Variants in SPATA17 observed in about 807,000 individuals in gnomAD.
The protein encoded by SPATA17 is spermatogenesis-associated protein 17.
SPATA17 carries 53 observed loss-of-function variants against 62.2 expected under a neutral mutation model. The ratio of observed to expected loss-of-function variants is 0.85; its 90% CI spans 0.68 to 1.07. The LOEUF is 1.07. Ranked by LOEUF, SPATA17 falls within the 50% of genes least tolerant of loss-of-function variation. SPATA17 has a pLI of 0.00. For synonymous variants in SPATA17, 146 were observed against 146.8 expected, an observed-to-expected ratio of 0.99 and a Z score of 0.04; for missense variants, 466 against 425.5, an observed-to-expected ratio of 1.10 and a Z score of -0.84.
At chr1:217,859,349 A>G (rs1004284239) in intron 9 of SPATA17, among the ~76,000 whole-genome samples, 4 of 150,006 alleles carry the variant, frequency 2.7e-5, no homozygotes, top group Non-Finnish European at 4.4e-5. Flanking sequence ...TTTTCTATAT[A>G]TATAATTTCT....
chr1:217,821,599 T>G (rs1054474556), intron 9 of SPATA17, among the ~76,000 whole-genome samples: 2 of 151,952 alleles, frequency 1.3e-5, no homozygotes, highest in Admixed American at 1.3e-4. Flanking sequence ...AGATACCAAG[T>G]GTAGATAAAA....
At chr1:217,694,654 C>T (rs1471148634) in intron 5 of SPATA17, among the ~76,000 whole-genome samples, 15 of 150,124 alleles carry the variant, frequency 1.0e-4, no homozygotes, top group Admixed American at 6.7e-4. Flanking sequence ...CCATGTTTAG[C>T]GCTTCCTTCA....
At chr1:217,664,655 T>C (rs1333058452) in intron 3 of SPATA17, among the ~76,000 whole-genome samples, 1 of 152,044 alleles carries the variant, frequency 6.6e-6, no homozygotes, top group East Asian at 1.9e-4. Flanking sequence ...AGATAGAGGA[T>C]AGTGTGATTC....
chr1:217,648,792 G>C (rs980161395), intron 1 of SPATA17, 90 bp from the exon 2 acceptor site: 25 of 658,486 alleles, frequency 3.8e-5, no homozygotes, highest in Non-Finnish European at 6.3e-5. Context: ...TTATCATCTT[G>C]GAAGAAATTA....
chr1:217,760,387 A>C (rs968697341), intron 6 of SPATA17, among the ~76,000 whole-genome samples: 2 of 152,206 alleles, frequency 1.3e-5, no homozygotes, highest in African/African-American at 2.4e-5. Context: ...CACTTAGCTC[A>C]ATTAATAATC....
chr1:217,772,576 A>C (rs1415911710), intron 6 of SPATA17, among the ~76,000 whole-genome samples: 1 of 152,222 alleles, frequency 6.6e-6, no homozygotes, highest in Non-Finnish European at 1.5e-5. Flanking sequence ...CTTTGAAAGC[A>C]GTCAATACAA....
chr1:217,676,677 G>A lies in SPATA17; in HGVS notation c.292-6581G>A, dbSNP rs73093560. 1.2e-3 allele frequency among the ~76,000 whole-genome samples: 180 copies of A among 152,230 alleles called. 1 individual carries two copies. The highest frequency in any genetic ancestry group is 4.2e-3 in the African/African-American group (176 of 41,536). Reference sequence around the variant, plus strand: ...CTTTGAAAAGCCTCCTTTGTATCATGTCATACATCTTGAGTCTTCCTTTGC... The same window carrying A: ...CTTTGAAAAGCCTCCTTTGTATCATATCATACATCTTGAGTCTTCCTTTGC... On this transcript the variant is annotated intron_variant, in intron 4 of 10. Transcript: ENST00000366933.
chr1:217,869,433 C>T lies in SPATA17; in HGVS notation c.*2414C>T, dbSNP rs1676085371. 6.6e-6 allele frequency: 1 copy of T among 152,122 alleles called. No homozygotes were observed. Among genetic ancestry groups the T allele is most frequent in the African/African-American group, 2.4e-5 (1 of 41,434 alleles). The allele number at this position is 152,122 out of a possible 1,614,324, so 9.4% of individuals were successfully genotyped here. On this transcript the variant is annotated 3_prime_UTR_variant, in exon 11 of 11. Coordinates refer to ENST00000366933, the MANE Select transcript of SPATA17 (RefSeq NM_138796.4). Reference sequence around the variant, plus strand: ...TTTCTTATCTGACTTAAAAAGGTGTCAGACTCTTAGTAAATTATCTCCTGG... The same window carrying T: ...TTTCTTATCTGACTTAAAAAGGTGTTAGACTCTTAGTAAATTATCTCCTGG...
At chr1:217,678,205 C>CTTTTTTTTTTTT (rs974715757) in intron 4 of SPATA17, among the ~76,000 whole-genome samples, 5 of 107,552 alleles carry the variant, frequency 4.6e-5, no homozygotes, top group African/African-American at 7.1e-5. Context: ...CTTTTCTTTT[C>CTTTTTTTTTTTT]TTTTTTTTTT....
chr1:217,646,223 T>G (rs1017739084), intron 1 of SPATA17, among the ~76,000 whole-genome samples: 1 of 152,174 alleles, frequency 6.6e-6, no homozygotes, highest in African/African-American at 2.4e-5. Flanking sequence ...TTCTACTACA[T>G]GTGTATACAT....
intron 1 of SPATA17, among the ~76,000 whole-genome samples, chr1:217,644,705 T>C (rs1407550554): frequency 3.3e-5 from 5 of 152,078 alleles, no homozygotes; most frequent in Admixed American, 6.6e-5. Context: ...TATACTGTTA[T>C]CCAGGGTTAT....
chr1:217,696,226 G>T (rs957401315), intron 5 of SPATA17, among the ~76,000 whole-genome samples: 1 of 152,206 alleles, frequency 6.6e-6, no homozygotes, highest in East Asian at 1.9e-4. Context: ...TCTGAAAAGC[G>T]CAATATTCGG....
intron 5 of SPATA17, among the ~76,000 whole-genome samples, chr1:217,703,174 C>CTT (rs1203063860): frequency 2.8e-5 from 3 of 105,510 alleles, no homozygotes; most frequent in South Asian, 3.0e-4. Flanking sequence ...TGCGCTCGGC[C>CTT]TTTTTTTTTT....
At chr1:217,756,648 TCA>T (rs1673050770) in intron 6 of SPATA17, among the ~76,000 whole-genome samples, 1 of 152,290 alleles carries the variant, frequency 6.6e-6, no homozygotes, top group East Asian at 1.9e-4. Context: ...AATTAGTGCC[TCA>T]GTTTCTTCAG....
At position 217,683,289 on chromosome 1, in the gene SPATA17, G is replaced by A. The variant is rs35503371; in HGVS notation, c.323G>A (p.Arg108Gln). 8.0e-5 allele frequency: 128 copies of A among 1,609,062 alleles called. No homozygotes were observed. The highest frequency in any genetic ancestry group is 1.1e-4 in the African/African-American group (8 of 74,432). The change falls in exon 5 of 11, where the codon CGG (arginine) becomes CAG (glutamine). Residue 108 changes from arginine to glutamine, a missense_variant. Coordinates refer to ENST00000366933, the MANE Select transcript of SPATA17 (RefSeq NM_138796.4). ...IQRRWRGYRV[R>Q]KYLFNYYYLK... The stretch of plus-strand genomic sequence containing the variant: ...AGACGATGGCGAGGCTATAGGGTTC[G>A]GAAGTACCTCTTTAATTATTATTAT...
At chr1:217,686,403 A>G (rs953306640) in intron 5 of SPATA17, among the ~76,000 whole-genome samples, 4 of 152,096 alleles carry the variant, frequency 2.6e-5, no homozygotes, top group Admixed American at 2.0e-4. Context: ...ATGATATTTT[A>G]ATTACAATAT....
At chr1:217,702,526 A>T (rs972937695) in intron 5 of SPATA17, among the ~76,000 whole-genome samples, 1 of 152,174 alleles carries the variant, frequency 6.6e-6, no homozygotes, top group African/African-American at 2.4e-5. Flanking sequence ...CCCTCTATGT[A>T]TCTCATTTTT....
At chr1:217,758,283 G>A (rs1303959546) in intron 6 of SPATA17, among the ~76,000 whole-genome samples, 1 of 152,108 alleles carries the variant, frequency 6.6e-6, no homozygotes, top group East Asian at 1.9e-4. Flanking sequence ...GTATTTGATG[G>A]TCTAGAACAG....
At chr1:217,775,731 C>CTA (rs1361854223) in intron 7 of SPATA17, among the ~76,000 whole-genome samples, 84 of 151,346 alleles carry the variant, frequency 5.6e-4, no homozygotes, top group African/African-American at 1.0e-3. Flanking sequence ...ATCTATCTAT[C>CTA]TATATATATA....
Sources: gnomAD v4.1 joint callset for allele counts (sites outside exome capture counted in the v4.1 genomes callset) on GRCh38, gnomAD v4.1.1 for gene constraint, MANE v1.5 for transcripts, NCBI Gene and HGNC (gene_info 2026-07-23, HGNC 2026-07-21) for gene names.